The following EXOC2 variants were observed in gnomAD, a reference collection of about 807,000 sequenced individuals.
EXOC2 encodes exocyst complex component 2, also known as SEC5-like 1.
In EXOC2, 70 loss-of-function variants were observed where a neutral mutation model predicts 131.8. The observed-to-expected ratio is 0.53, with a 90% CI of 0.44 to 0.65. EXOC2 has a LOEUF of 0.65. Among genes scored for constraint, EXOC2 ranks in the 30% least tolerant of loss-of-function variants. The pLI is 0.00. For synonymous variants in EXOC2, 411 were observed against 398.4 expected (o/e 1.03, Z -0.38); for missense variants, 923 against 1,108.6 (o/e 0.83, Z 2.38).
chr6:550,664 T>C (rs186173931), intron 21 of EXOC2, among the ~76,000 whole-genome samples: 55 of 152,302 alleles, frequency 3.6e-4, no homozygotes, highest in Admixed American at 3.3e-3. Flanking sequence ...CACTGGAAAC[T>C]CGCCCAGGTG....
In EXOC2 at chr6:485,533, G is replaced by T. The variant is rs942591365; in HGVS notation, c.*1138C>A. 1 of 152,200 alleles carries T rather than the reference G, an allele frequency of 6.6e-6. No individual in the cohort carries two copies. Among genetic ancestry groups the T allele is most frequent in the East Asian group, 1.9e-4 (1 of 5,202 alleles). The allele number at this position is 152,200 out of a possible 1,614,324, so 9.4% of individuals were successfully genotyped here. ...AACCCTGACAAGCCGACTACAAAGA[G>T]AATTCCTCTCTGAAAATTTTCAGAT... is the stretch of plus-strand genomic sequence containing the variant. On this transcript the variant is annotated 3_prime_UTR_variant, in exon 28 of 28. Coordinates refer to ENST00000230449, the MANE Select transcript of EXOC2 (RefSeq NM_018303.6).
chr6:516,122 C>T (rs1264954491), intron 23 of EXOC2, among the ~76,000 whole-genome samples: 1 of 152,192 alleles, frequency 6.6e-6, no homozygotes, highest in African/African-American at 2.4e-5. Flanking sequence ...TACTCCAGTG[C>T]ACTCCACCCA....
chr6:548,461 T>G (rs1388078587), intron 22 of EXOC2, among the ~76,000 whole-genome samples: 2 of 152,204 alleles, frequency 1.3e-5, no homozygotes, highest in African/African-American at 2.4e-5. Context: ...CAATCAACCT[T>G]AATAACAAGG....
intron 2 of EXOC2, 107 bp downstream of exon 2, chr6:637,594 A>G (rs1421744058): frequency 1.2e-6 from 1 of 809,270 alleles, no homozygotes; most frequent in Non-Finnish European, 2.0e-6. Flanking sequence ...AGAGATCACA[A>G]AGATGTTTGT....
intron 11 of EXOC2, 76 bp from the exon 12 acceptor site, chr6:576,958 C>T (rs1758620884): frequency 7.2e-7 from 1 of 1,379,758 alleles, no homozygotes; most frequent in South Asian, 1.4e-5. Flanking sequence ...TAATGGTCTG[C>T]TTCTCTGAGG....
intron 11 of EXOC2, among the ~76,000 whole-genome samples, chr6:588,049 T>C (rs758726471): frequency 9.9e-5 from 15 of 152,168 alleles, no homozygotes. Context: ...GAAGTCAGCG[T>C]GAGTACATGG....
rs190005099 is a variant in EXOC2 at position 564,187 on chromosome 6, A to G, written c.1668-33T>C. On this transcript the variant is annotated intron_variant, in intron 15 of 27. Coordinates refer to ENST00000230449, the MANE Select transcript of EXOC2 (RefSeq NM_018303.6). The stretch of plus-strand genomic sequence containing the variant: ...CAAACACATCCAAACAGAAGTGAGC[A>G]GAGTGGGATCGCAAAGCAATCCCTA... 7.3e-5 allele frequency: 118 copies of G among 1,607,860 alleles called. No homozygotes were observed. In the East Asian group the frequency reaches 1.9e-3, roughly 26 times the overall value.
At chr6:623,797 G>T (rs150991971) in intron 4 of EXOC2, among the ~76,000 whole-genome samples, 3 of 152,290 alleles carry the variant, frequency 2.0e-5, no homozygotes, top group African/African-American at 2.4e-5. Context: ...GAGCACATCT[G>T]GGAAAGGTCT....
intron 22 of EXOC2, among the ~76,000 whole-genome samples, chr6:544,908 G>A (rs1430838759): frequency 6.6e-6 from 1 of 152,066 alleles, no homozygotes; most frequent in Non-Finnish European, 1.5e-5. Flanking sequence ...AGCACTTTGG[G>A]AGGCCGAGGC....
intron 10 of EXOC2, among the ~76,000 whole-genome samples, chr6:596,033 G>A (rs1759798125): frequency 6.6e-6 from 1 of 152,090 alleles, no homozygotes; most frequent in African/African-American, 2.4e-5. Flanking sequence ...TGTGTGCTGG[G>A]CAAGCTTCCG....
At chr6:591,224 T>C (rs774609919) in intron 11 of EXOC2, among the ~76,000 whole-genome samples, 13 of 152,142 alleles carry the variant, frequency 8.5e-5, no homozygotes, top group Non-Finnish European at 1.5e-4. Context: ...GCCAGAGTCG[T>C]CATCTTTTCA....
intron 23 of EXOC2, among the ~76,000 whole-genome samples, chr6:520,857 C>T (rs191629239): frequency 2.1e-4 from 30 of 143,838 alleles, no homozygotes; most frequent in African/African-American, 6.6e-4. Context: ...CGTCCACACT[C>T]GTAGATGAAA....
intron 23 of EXOC2, among the ~76,000 whole-genome samples, chr6:504,339 G>C (rs1300366671): frequency 6.6e-6 from 1 of 152,252 alleles, no homozygotes; most frequent in Non-Finnish European, 1.5e-5. Context: ...TATGGAAGCG[G>C]CTGAGGCCTC....
Position 580,414 on chromosome 6 carries a change from T to C in EXOC2, c.1193-3532A>G, listed in dbSNP as rs1343665406. 2.6e-5 allele frequency among the ~76,000 whole-genome samples: 4 copies of C among 152,190 alleles called. No individual in the cohort carries two copies. In the East Asian group the frequency reaches 7.7e-4, roughly 29 times the overall value. On this transcript the variant is annotated intron_variant, in intron 11 of 27. Coordinates refer to ENST00000230449, the MANE Select transcript of EXOC2 (RefSeq NM_018303.6). The stretch of plus-strand genomic sequence containing the variant: ...CTGCCCTTTTCAAACTAATGCTGCA[T>C]TGATAGGAGTTTTCAGAGGTTACTT...
intron 18 of EXOC2, 95 bp downstream of exon 18, chr6:556,389 G>GA (rs1488313727): frequency 9.0e-5 from 113 of 1,253,226 alleles, no homozygotes; most frequent in Middle Eastern, 2.6e-4. Flanking sequence ...CGAAGAGGGA[G>GA]AAAAGATCTT....
At chr6:622,718 A>C (rs1456030759) in intron 4 of EXOC2, among the ~76,000 whole-genome samples, 1 of 152,246 alleles carries the variant, frequency 6.6e-6, no homozygotes, top group Non-Finnish European at 1.5e-5. Context: ...GAATGTACAC[A>C]GCACATACAG....
At chr6:567,099 C>T (rs1758006364) in intron 13 of EXOC2, among the ~76,000 whole-genome samples, 1 of 152,234 alleles carries the variant, frequency 6.6e-6, no homozygotes, top group Non-Finnish European at 1.5e-5. Context: ...CCACATTTGT[C>T]CCCACCAATT....
At chr6:542,420 C>T (rs1470403120) in intron 22 of EXOC2, among the ~76,000 whole-genome samples, 2 of 152,154 alleles carry the variant, frequency 1.3e-5, no homozygotes, top group East Asian at 1.9e-4. Context: ...GTACGGTGCA[C>T]CTTGCACTTC....
At chr6:512,150 A>G (rs1764883266) in intron 23 of EXOC2, among the ~76,000 whole-genome samples, 1 of 152,222 alleles carries the variant, frequency 6.6e-6, no homozygotes, top group Non-Finnish European at 1.5e-5. Context: ...ATGGTCCTTG[A>G]GCCCCTTCTC....
Sources: gnomAD v4.1 joint callset for allele counts (sites outside exome capture counted in the v4.1 genomes callset) on GRCh38, gnomAD v4.1.1 for gene constraint, MANE v1.5 for transcripts, NCBI Gene and HGNC (gene_info 2026-07-23, HGNC 2026-07-21) for gene names.